The following CRACR2A variants were observed in gnomAD, a reference collection of about 807,000 sequenced individuals.
CRACR2A encodes EF-hand calcium-binding domain-containing protein 4B.
A neutral mutation model predicts 90.5 loss-of-function variants in CRACR2A; 79 were observed. That is an observed-to-expected ratio of 0.87 (90% CI 0.73 to 1.05). The LOEUF (loss-of-function observed/expected upper bound fraction) is 1.05, where lower values mean the gene tolerates loss of function less well. CRACR2A is among the 50% of genes least tolerant of loss of function. CRACR2A has a pLI of 0.00. For missense variants in CRACR2A, 823 were observed against 897.2 expected, an observed-to-expected ratio of 0.92 and a Z score of 1.06; for synonymous variants, 338 against 356.7, an observed-to-expected ratio of 0.95 and a Z score of 0.59.
chr12:3,630,148 T>G (rs373413169), intron 15 of CRACR2A, among the ~76,000 whole-genome samples: 1 of 151,938 alleles, frequency 6.6e-6, no homozygotes, highest in Non-Finnish European at 1.5e-5. Context: ...AGGGGCTAAG[T>G]TGGATGCTGA....
chr12:3,729,756 G>C (rs1466228625), intron 2 of CRACR2A: 3 of 152,180 alleles, frequency 2.0e-5, no homozygotes, highest in African/African-American at 4.8e-5. Context: ...TAAAATGTCA[G>C]GTTCTAGTGA....
chr12:3,721,746 C>G (rs180964535), intron 2 of CRACR2A, among the ~76,000 whole-genome samples: 1 of 152,236 alleles, frequency 6.6e-6, no homozygotes, highest in African/African-American at 2.4e-5. Flanking sequence ...AGGAAATGTA[C>G]CACAATATCA....
intron 1 of CRACR2A, among the ~76,000 whole-genome samples, chr12:3,734,754 G>A (rs1315272130): frequency 1.3e-5 from 2 of 152,132 alleles, no homozygotes; most frequent in African/African-American, 4.8e-5. Flanking sequence ...TATGCTAAGT[G>A]AGGTAAGCCA....
At chr12:3,622,146 A>G (rs1944157714) in intron 17 of CRACR2A, among the ~76,000 whole-genome samples, 1 of 152,212 alleles carries the variant, frequency 6.6e-6, no homozygotes, top group African/African-American at 2.4e-5. Flanking sequence ...ATTACCTCCT[A>G]GATGAAGCAA....
chr12:3,751,367 A>T (rs146802872), intron 1 of CRACR2A, among the ~76,000 whole-genome samples: 175 of 152,206 alleles, frequency 1.1e-3, no homozygotes, highest in Middle Eastern at 6.8e-3. Context: ...CTCTTCCCAC[A>T]GCTTCCTCCA....
At chr12:3,709,384 T>C (rs528728238) in intron 3 of CRACR2A, among the ~76,000 whole-genome samples, 4 of 152,374 alleles carry the variant, frequency 2.6e-5, no homozygotes, top group African/African-American at 9.6e-5. Context: ...TTATTCTTTA[T>C]AGTAGCACCA....
At chr12:3,639,475 C>CACACACACACACACACAG (rs1944521484) in intron 13 of CRACR2A, among the ~76,000 whole-genome samples, 1 of 152,098 alleles carries the variant, frequency 6.6e-6, no homozygotes, top group South Asian at 2.1e-4. Context: ...CACACACACA[C>CACACACACACACACACAG]ACGCATGCAA....
rs2137922010 is a variant in CRACR2A at position 3,746,468 on chromosome 12, C to T, written c.-387+6547G>A. ...TCTCCCTCTCTGTGCCATGTGAGGA[C>T]ACAAAAAGAAAGTGGCTTTCTGCAA... On this transcript the variant is annotated intron_variant, in intron 1 of 19. Coordinates refer to ENST00000440314, the MANE Select transcript of CRACR2A (RefSeq NM_001144958.2). The surrounding 1 kb of genome is among the most constrained non-coding windows in gnomAD (Gnocchi z 4.4). Among the ~76,000 whole-genome samples, 1 of 152,122 alleles carries T rather than the reference C, an allele frequency of 6.6e-6. No individual in the cohort carries two copies. The highest frequency in any genetic ancestry group is 2.1e-4 in the South Asian group (1 of 4,812).
At chr12:3,743,419 C>T (rs1016227631) in intron 1 of CRACR2A, among the ~76,000 whole-genome samples, 17 of 152,224 alleles carry the variant, frequency 1.1e-4, no homozygotes, top group Admixed American at 1.0e-3. Context: ...ACGGCGTCGG[C>T]GGCTTCTGCC....
intron 2 of CRACR2A, among the ~76,000 whole-genome samples, chr12:3,715,651 A>G (rs1447412458): frequency 2.0e-5 from 3 of 152,236 alleles, no homozygotes; most frequent in Non-Finnish European, 2.9e-5. Context: ...ACCAGACAAC[A>G]ATATGTAGCT....
Position 3,648,875 on chromosome 12 carries a change from C to T in CRACR2A, c.1047-262G>A, listed in dbSNP as rs145331346. Among the ~76,000 whole-genome samples the T allele has an allele frequency of 8.8e-3, 1,333 of 152,240 alleles. 25 individuals are homozygous for T. The highest frequency in any genetic ancestry group is 0.03 in the African/African-American group (1,266 of 41,524). On this transcript the variant is annotated intron_variant, in intron 10 of 19. Coordinates refer to ENST00000440314, the MANE Select transcript of CRACR2A (RefSeq NM_001144958.2). ...GTCTTTCCAGTTCACACAGACAATC[C>T]GCGACTGAACCAGGGTCCCCTCCTA... is the stretch of plus-strand genomic sequence containing the variant.
At chr12:3,646,326 C>T (rs1274640859) in intron 11 of CRACR2A, among the ~76,000 whole-genome samples, 2 of 152,206 alleles carry the variant, frequency 1.3e-5, no homozygotes, top group African/African-American at 2.4e-5. Context: ...GGCCAGTGGC[C>T]TCTGAACAAA....
intron 12 of CRACR2A, among the ~76,000 whole-genome samples, chr12:3,643,872 A>ATATACTATATATAT (rs1944630726): frequency 1.4e-5 from 1 of 70,594 alleles, no homozygotes; most frequent in Non-Finnish European, 2.4e-5. Flanking sequence ...TATATATATT[A>ATATACTATATATAT]TATATATTTA....
At chr12:3,723,279 C>A (rs1044841550) in intron 2 of CRACR2A, among the ~76,000 whole-genome samples, 6 of 152,124 alleles carry the variant, frequency 3.9e-5, no homozygotes, top group African/African-American at 1.2e-4. Context: ...CCGCAACCAG[C>A]CTTAGGCCTT....
chr12:3,685,109 T>G (rs1194701033), intron 4 of CRACR2A, among the ~76,000 whole-genome samples: 1 of 152,180 alleles, frequency 6.6e-6, no homozygotes, highest in Non-Finnish European at 1.5e-5. Flanking sequence ...TGACAATTGG[T>G]GTAGTTGTGA....
rs1301749956 is a variant in CRACR2A, at chr12:3,659,633, T to C, written c.693A>G (p.Glu231=). 1.2e-6 allele frequency: 2 copies of C among 1,614,058 alleles called. No homozygotes were observed. The highest frequency in any genetic ancestry group is 4.5e-5 in the East Asian group (2 of 44,898). Residue 231 remains glutamate (E), a synonymous_variant, in exon 8 of 20, where the codon GAA becomes GAG. Transcript: ENST00000440314. ...TCTCCTCATAGAGATGCTGGATTTC[T>C]TCATCATAAGCAGCAATTTTCCTAC... The part of the protein sequence containing the change: ...ALKRKIAAYD[E]EIQHLYEEME...
chr12:3,625,800 C>T (rs1001506518), intron 17 of CRACR2A, among the ~76,000 whole-genome samples: 1 of 151,722 alleles, frequency 6.6e-6, no homozygotes, highest in African/African-American at 2.4e-5. Context: ...TCCAGGGCTC[C>T]AAGGAAGAGA....
intron 2 of CRACR2A, among the ~76,000 whole-genome samples, chr12:3,722,370 T>C (rs1333756712): frequency 6.6e-6 from 1 of 152,218 alleles, no homozygotes; most frequent in African/African-American, 2.4e-5. Context: ...CACATTCATT[T>C]ACACATGAGG....
At chr12:3,717,173 A>G (rs1226157877) in intron 2 of CRACR2A, among the ~76,000 whole-genome samples, 2 of 152,186 alleles carry the variant, frequency 1.3e-5, no homozygotes, top group Non-Finnish European at 2.9e-5. Flanking sequence ...AGAAATGCCC[A>G]GGAAACCCGC....
Sources: allele counts gnomAD v4.1 joint callset (sites outside exome capture counted in the v4.1 genomes callset), GRCh38; gene constraint gnomAD v4.1.1; non-coding constraint Gnocchi (gnomAD v3.1); transcripts MANE v1.5; gene names NCBI Gene and HGNC (gene_info 2026-07-23, HGNC 2026-07-21).